The following RNF169 variants were observed in gnomAD, a reference collection of about 807,000 sequenced individuals.
RNF169 encodes the protein E3 ubiquitin-protein ligase RNF169.
RNF169 carries 24 observed loss-of-function variants against 53.9 expected under a neutral mutation model. The observed-to-expected ratio is 0.45, with a 90% CI of 0.32 to 0.63. The LOEUF (loss-of-function observed/expected upper bound fraction) is 0.63, where lower values mean the gene tolerates loss of function less well. RNF169 is among the 20% of genes least tolerant of loss of function. RNF169 has a pLI of 0.04. For missense variants in RNF169, 883 were observed against 906.2 expected, an observed-to-expected ratio of 0.97 and a Z score of 0.33; for synonymous variants, 396 against 363.5, an observed-to-expected ratio of 1.09 and a Z score of -1.02.
At chr11:74,809,703 C>T (rs551097336) in intron 2 of RNF169, among the ~76,000 whole-genome samples, 2 of 152,314 alleles carry the variant, frequency 1.3e-5, no homozygotes, top group African/African-American at 2.4e-5. Context: ...TGTATCTTGA[C>T]TTATCCTGTA....
intron 4 of RNF169, among the ~76,000 whole-genome samples, chr11:74,821,958 T>C (rs1229364214): frequency 6.6e-6 from 1 of 152,024 alleles, no homozygotes; most frequent in African/African-American, 2.4e-5. Context: ...AACTTCTGGG[T>C]GGATAGCAGC....
intron 1 of RNF169, among the ~76,000 whole-genome samples, chr11:74,784,688 G>A (rs183864256): frequency 5.1e-4 from 78 of 152,302 alleles, no homozygotes; most frequent in African/African-American, 1.8e-3. Flanking sequence ...CAGATTCCCC[G>A]CAGGAAAGCA....
chr11:74,757,266 C>G (rs896463438), intron 1 of RNF169, among the ~76,000 whole-genome samples: 2 of 121,944 alleles, frequency 1.6e-5, no homozygotes, highest in Non-Finnish European at 3.3e-5. Flanking sequence ...TTTGTTCTTG[C>G]GATAGTTTAC....
At chr11:74,785,222 TTA>T (rs989517666) in intron 1 of RNF169, among the ~76,000 whole-genome samples, 2 of 101,202 alleles carry the variant, frequency 2.0e-5, no homozygotes, top group African/African-American at 1.1e-4. Flanking sequence ...TATATATATG[TTA>T]TATATATTAT....
intron 1 of RNF169, among the ~76,000 whole-genome samples, chr11:74,770,507 G>A (rs769007296): frequency 1.3e-5 from 2 of 152,192 alleles, no homozygotes; most frequent in Non-Finnish European, 2.9e-5. Context: ...AAATTGTGGG[G>A]ATACATGGTT....
intron 1 of RNF169, among the ~76,000 whole-genome samples, chr11:74,785,242 T>TTATATATATATTA (rs1255074859): frequency 1.2e-5 from 1 of 82,738 alleles, no homozygotes; most frequent in African/African-American, 6.7e-5. Flanking sequence ...TATATATATG[T>TTATATATATATTA]TATATATGTT....
In RNF169 at chr11:74,827,706, A is replaced by G. The variant is rs184612736; in HGVS notation, c.843-6970A>G. ...CAAATCAATAAATGTGATTCTTCAC[A>G]TAAACAGAACTAAAGACAAAAACCA... On this transcript the variant is annotated intron_variant, in intron 4 of 5. Coordinates refer to ENST00000299563, the MANE Select transcript of RNF169 (RefSeq NM_001098638.2). 3.3e-5 allele frequency among the ~76,000 whole-genome samples: 5 copies of G among 152,340 alleles called. No individual in the cohort carries two copies. In the South Asian group the frequency reaches 8.3e-4, roughly 25 times the overall value.
intron 2 of RNF169, among the ~76,000 whole-genome samples, chr11:74,796,069 C>T (rs2035645210): frequency 6.6e-6 from 1 of 152,158 alleles, no homozygotes; most frequent in Admixed American, 6.5e-5. Flanking sequence ...TACTACAGAG[C>T]AGTAGCATTT....
intron 2 of RNF169, among the ~76,000 whole-genome samples, chr11:74,796,704 C>T (rs1170856807): frequency 6.6e-6 from 1 of 152,096 alleles, no homozygotes; most frequent in Non-Finnish European, 1.5e-5. Context: ...GAAAAGCAGC[C>T]TTGCTTCTAG....
intron 4 of RNF169, among the ~76,000 whole-genome samples, chr11:74,823,738 GAA>G (rs35164191): frequency 0.059 from 6,232 of 105,802 alleles, 347 homozygotes; most frequent in African/African-American, 0.18. Flanking sequence ...CCCTGTCTCA[GAA>G]AAAAAAAAAA....
chr11:74,810,625 G>A (rs2035862327), intron 3 of RNF169, among the ~76,000 whole-genome samples: 1 of 152,162 alleles, frequency 6.6e-6, no homozygotes. Context: ...GTTGTTATTT[G>A]GACTTATGTG....
At chr11:74,811,409 A>AT (rs1039689354) in intron 3 of RNF169, among the ~76,000 whole-genome samples, 5 of 151,850 alleles carry the variant, frequency 3.3e-5, no homozygotes, top group Non-Finnish European at 7.4e-5. Flanking sequence ...ACCCAGTTGT[A>AT]TTTTTTGTAG....
intron 5 of RNF169, 92 bp from the exon 6 acceptor site, chr11:74,835,454 C>G (rs1334009991): frequency 1.1e-6 from 1 of 951,400 alleles, no homozygotes; most frequent in Non-Finnish European, 1.6e-6. Flanking sequence ...CTTGTCCTCC[C>G]CTTCCCTGTG....
chr11:74,799,075 G>T (rs1403898137), intron 2 of RNF169, among the ~76,000 whole-genome samples: 1 of 59,252 alleles, frequency 1.7e-5, no homozygotes, highest in Admixed American at 2.4e-4. Flanking sequence ...AAAAAAAAAA[G>T]ATTTCCAGTG....
At chr11:74,796,885 A>G (rs995895109) in intron 2 of RNF169, among the ~76,000 whole-genome samples, 1 of 152,148 alleles carries the variant, frequency 6.6e-6, no homozygotes, top group African/African-American at 2.4e-5. Flanking sequence ...AGGTCTTGCT[A>G]TGTTGTCCAG....
intron 2 of RNF169, among the ~76,000 whole-genome samples, chr11:74,792,377 G>GTGAA (rs1279559648): frequency 6.6e-6 from 1 of 152,112 alleles, no homozygotes; most frequent in Non-Finnish European, 1.5e-5. Context: ...GAAAAAGGAG[G>GTGAA]TGAAGCAAAA....
chr11:74,834,821 T>C, intron 5 of RNF169, 46 bp downstream of exon 5: 1 of 1,281,050 alleles, frequency 7.8e-7, no homozygotes, highest in Non-Finnish European at 1.1e-6. Flanking sequence ...GCTTGCCCCA[T>C]CACCCCCTCT....
intron 4 of RNF169, among the ~76,000 whole-genome samples, chr11:74,832,741 TAACAATGCTGTCTCTCTC>T (rs2135150696): frequency 6.6e-6 from 1 of 152,328 alleles, no homozygotes; most frequent in South Asian, 2.1e-4. Flanking sequence ...ATATTTGAAG[TAACAATGCTGTCTCTCTC>T]AACAATGCTG....
At chr11:74,799,117 TTTC>T (rs1249876344) in intron 2 of RNF169, among the ~76,000 whole-genome samples, 4 of 150,588 alleles carry the variant, frequency 2.7e-5, no homozygotes, top group Non-Finnish European at 5.9e-5. Context: ...ATTGCTATTT[TTTC>T]TTCTTTCTTT....
Sources: allele counts gnomAD v4.1 joint callset (sites outside exome capture counted in the v4.1 genomes callset), GRCh38; gene constraint gnomAD v4.1.1; transcripts MANE v1.5; gene names NCBI Gene and HGNC (gene_info 2026-07-23, HGNC 2026-07-21).